ZNF431: variants seen among roughly 807,000 people sequenced by gnomAD.
ZNF431 encodes the protein zinc finger protein 431.
A neutral mutation model predicts 57.0 loss-of-function variants in ZNF431; 34 were observed. The observed-to-expected ratio is 0.60, with a 90% CI of 0.45 to 0.79. The LOEUF is 0.79. Ranked by LOEUF, ZNF431 falls within the 30% of genes least tolerant of loss-of-function variation. The probability of loss-of-function intolerance (pLI) is 0.00; values close to 1 mark genes in which losing one functional copy is unlikely to be tolerated. For missense variants in ZNF431, 607 were observed against 667.1 expected, an observed-to-expected ratio of 0.91 and a Z score of 0.99; for synonymous variants, 207 against 220.3, an observed-to-expected ratio of 0.94 and a Z score of 0.54.
At chr19:21,162,144 T>TTTG (rs1417739477) in intron 2 of ZNF431, among the ~76,000 whole-genome samples, 1,332 of 66,154 alleles carry the variant, frequency 0.02, 14 homozygotes, top group South Asian at 0.038. Flanking sequence ...ATCCAGCTAA[T>TTTG]TGTGTGTGTG....
At chr19:21,150,228 C>T (rs949261132) in intron 2 of ZNF431, 31 of 526,976 alleles carry the variant, frequency 5.9e-5, no homozygotes, top group Admixed American at 9.6e-5. Context: ...CACTTTCAGC[C>T]GCCTATAGAG....
intron 1 of ZNF431, among the ~76,000 whole-genome samples, chr19:21,142,636 A>C (rs761414269): frequency 6.6e-6 from 1 of 152,248 alleles, no homozygotes; most frequent in Admixed American, 6.5e-5. Context: ...AGAGTGATTC[A>C]AAAATTGTGG....
intron 1 of ZNF431, among the ~76,000 whole-genome samples, chr19:21,142,863 A>T: frequency 6.6e-6 from 1 of 152,304 alleles, no homozygotes; most frequent in Admixed American, 6.5e-5. Context: ...GTTTCTCTCA[A>T]TGTAGTAATT....
intron 4 of ZNF431, chr19:21,170,032 A>G: frequency 2.5e-6 from 1 of 394,770 alleles, no homozygotes; most frequent in Non-Finnish European, 4.5e-6. Context: ...TGGGTGGACC[A>G]TTTCTTGATC....
At chr19:21,178,071 C>T (rs1971110063) in intron 4 of ZNF431, among the ~76,000 whole-genome samples, 1 of 152,058 alleles carries the variant, frequency 6.6e-6, no homozygotes, top group Non-Finnish European at 1.5e-5. Context: ...ACTTTGTTCT[C>T]TTTGTAGCAA....
chr19:21,162,856 A>G (rs953159382), intron 2 of ZNF431: 12 of 612,860 alleles, frequency 2.0e-5, no homozygotes, highest in Non-Finnish European at 2.2e-5. Flanking sequence ...CTTGTTTTCT[A>G]TTCCTGCAGA....
chr19:21,150,595 TTTAAATCAGATC>T (rs1223603887), intron 2 of ZNF431, among the ~76,000 whole-genome samples: 1 of 152,188 alleles, frequency 6.6e-6, no homozygotes, highest in Non-Finnish European at 1.5e-5. Flanking sequence ...GGGTACCATT[TTTAAATCAGATC>T]TTGGATCTAA....
intron 4 of ZNF431, among the ~76,000 whole-genome samples, chr19:21,176,615 A>T (rs989022904): frequency 1.3e-5 from 2 of 151,952 alleles, no homozygotes; most frequent in African/African-American, 4.8e-5. Flanking sequence ...CTGGATATTA[A>T]CCTTAGTCAG....
chr19:21,190,226 T>C lies in ZNF431; in HGVS notation c.*6192T>C, dbSNP rs113685041. ...ATAATAAATAGTATTCCATTATGTA[T>C]ATCAACCACATTGTCTTTATTTACT... On this transcript the variant is annotated 3_prime_UTR_variant, in exon 5 of 5. Coordinates refer to ENST00000311048, the MANE Select transcript of ZNF431 (RefSeq NM_133473.4). The C allele has an allele frequency of 2.4e-5, 5 of 207,272 alleles. No homozygotes were observed. Among genetic ancestry groups the C allele is most frequent in the African/African-American group, 9.1e-5 (4 of 43,754 alleles). 12.8% of individuals were successfully genotyped at this position (207,272 alleles called of 1,614,324 possible). A position where few individuals can be genotyped will look rare whatever the true frequency, so the allele number is the denominator to read the frequency against.
chr19:21,149,949 G>A (rs1446281064), intron 2 of ZNF431: 15 of 597,136 alleles, frequency 2.5e-5, no homozygotes, highest in Non-Finnish European at 3.1e-5. Context: ...AAGACAACCA[G>A]CTTGATGGGA....
chr19:21,191,671 C>T lies in ZNF431; in HGVS notation c.*7637C>T, dbSNP rs1400099101. ...TTCTGTTCTTTCCCTTTAAAGTCAC[C>T]TGTATTTAAAATCAACTGTAAATAC... is the stretch of plus-strand genomic sequence containing the variant. On this transcript the variant is annotated 3_prime_UTR_variant, in exon 5 of 5. Transcript: ENST00000311048. 6.6e-6 allele frequency: 1 copy of T among 152,084 alleles called. No homozygotes were observed. The highest frequency in any genetic ancestry group is 2.1e-4 in the South Asian group (1 of 4,814). The allele number at this position is 152,084 out of a possible 1,614,324, so 9.4% of individuals were successfully genotyped here.
rs1049070910 is a variant in ZNF431, at chr19:21,193,170, C to T, written c.*9136C>T. 2.0e-5 allele frequency: 3 copies of T among 152,198 alleles called. No individual in the cohort carries two copies. The highest frequency in any genetic ancestry group is 2.0e-4 in the Admixed American group (3 of 15,268). 9.4% of individuals were successfully genotyped at this position (152,198 alleles called of 1,614,324 possible). ...ATACAGAGATGAGCTGGTATTACTTCTACTGAATGTATTACTGAATGTATT... is the reference window on the plus strand; with the variant it reads ...ATACAGAGATGAGCTGGTATTACTTTTACTGAATGTATTACTGAATGTATT... On this transcript the variant is annotated 3_prime_UTR_variant, in exon 5 of 5. Coordinates refer to ENST00000311048, the MANE Select transcript of ZNF431 (RefSeq NM_133473.4).
chr19:21,152,044 C>G (rs1010833624), intron 2 of ZNF431, among the ~76,000 whole-genome samples: 6 of 152,198 alleles, frequency 3.9e-5, no homozygotes, highest in Admixed American at 3.9e-4. Context: ...GAAAAATTAT[C>G]TTTTTCTGGC....
intron 4 of ZNF431, among the ~76,000 whole-genome samples, chr19:21,171,962 C>T (rs1469808064): frequency 4.0e-5 from 6 of 151,348 alleles, no homozygotes; most frequent in African/African-American, 1.5e-4. Flanking sequence ...CCTCGTGATC[C>T]ACCTGCCTTG....
At chr19:21,171,790 G>A (rs1014286587) in intron 4 of ZNF431, among the ~76,000 whole-genome samples, 4 of 141,726 alleles carry the variant, frequency 2.8e-5, no homozygotes, top group Non-Finnish European at 4.5e-5. Flanking sequence ...GCACAATCTC[G>A]GCTCACGGCA....
At chr19:21,176,875 T>C (rs1971068636) in intron 4 of ZNF431, among the ~76,000 whole-genome samples, 1 of 152,082 alleles carries the variant, frequency 6.6e-6, no homozygotes, top group Non-Finnish European at 1.5e-5. Context: ...TTTTGTATTT[T>C]TAGTAGAGAT....
rs755800917 is a variant in ZNF431 at position 21,167,600 on chromosome 19, A to G, written c.253A>G (p.Thr85Ala). 6.3e-7 allele frequency: 1 copy of G among 1,587,048 alleles called. No homozygotes were observed. Among genetic ancestry groups the G allele is most frequent in the South Asian group, 1.1e-5 (1 of 88,420 alleles). Residue 85 changes from threonine (T) to alanine (A), a missense_variant, in exon 4 of 5, where the codon ACC becomes GCC. Coordinates refer to ENST00000311048, the MANE Select transcript of ZNF431 (RefSeq NM_133473.4). The part of the protein sequence containing the change: ...GVAVSKQDPV[T>A]CLEQEKEPWN... Reference sequence around the variant, plus strand: ...TGCTGTCTCTAAGCAAGACCCAGTCACCTGTCTGGAGCAAGAAAAAGAGCC... The same window carrying G: ...TGCTGTCTCTAAGCAAGACCCAGTCGCCTGTCTGGAGCAAGAAAAAGAGCC...
rs1971270880 is a variant in ZNF431 at position 21,183,452 on chromosome 19, G to A, written c.1149G>A (p.Trp383Ter). ...KCEECGKGFN[W>*]SSTLTKHKRI... ...AAGAATGTGGCAAAGGCTTTAATTG[G>A]TCCTCAACCCTTACTAAACATAAAA... is the stretch of plus-strand genomic sequence containing the variant. The change falls in exon 5 of 5, where the codon TGG (tryptophan) becomes TGA (stop). Residue 383 changes from tryptophan to a stop codon, truncating the protein, a stop_gained. Coordinates refer to ENST00000311048, the MANE Select transcript of ZNF431 (RefSeq NM_133473.4). LOFTEE classifies it high-confidence loss of function. The A allele has an allele frequency of 2.5e-6, 4 of 1,613,206 alleles. No individual in the cohort carries two copies. The highest frequency in any genetic ancestry group is 3.4e-6 in the Non-Finnish European group (4 of 1,179,762).
At chr19:21,158,380 A>G (rs1970481170) in intron 2 of ZNF431, among the ~76,000 whole-genome samples, 1 of 151,730 alleles carries the variant, frequency 6.6e-6, no homozygotes, top group African/African-American at 2.4e-5. Context: ...TTTGTATTTT[A>G]ATGGAGACAG....
Sources: gnomAD v4.1 joint callset for allele counts (sites outside exome capture counted in the v4.1 genomes callset) on GRCh38, gnomAD v4.1.1 for gene constraint, MANE v1.5 for transcripts, NCBI Gene and HGNC (gene_info 2026-07-23, HGNC 2026-07-21) for gene names.